KCND2: variants seen among roughly 807,000 people sequenced by gnomAD.
KCND2 encodes the protein potassium voltage-gated channel subfamily D member 2.
In KCND2, 16 loss-of-function variants were observed where a neutral mutation model predicts 54.4. The ratio of observed to expected loss-of-function variants is 0.29; its 90% confidence interval spans 0.20 to 0.45. KCND2 has a LOEUF of 0.45. Among genes scored for constraint, KCND2 ranks in the 20% least tolerant of loss-of-function variants. The pLI is 1.00. For missense variants in KCND2, 486 were observed against 824.2 expected (o/e 0.59, Z 5.02); for synonymous variants, 317 against 310.7 (o/e 1.02, Z -0.21).
chr7:120,727,226 C>G (rs1792744810), intron 1 of KCND2, among the ~76,000 whole-genome samples: 1 of 152,016 alleles, frequency 6.6e-6, no homozygotes, highest in Non-Finnish European at 1.5e-5. Flanking sequence ...AAATATTTCT[C>G]CATTTGAGAT....
intron 1 of KCND2, among the ~76,000 whole-genome samples, chr7:120,514,038 C>T (rs187686840): frequency 6.6e-6 from 1 of 152,188 alleles, no homozygotes; most frequent in East Asian, 1.9e-4. Context: ...CTTAGATGCT[C>T]ACATGTAGTT....
intron 1 of KCND2, among the ~76,000 whole-genome samples, chr7:120,483,662 G>T (rs1487879745): frequency 6.6e-6 from 1 of 152,090 alleles, no homozygotes; most frequent in Non-Finnish European, 1.5e-5. Flanking sequence ...AGGAACAGTA[G>T]AACAAAGAAA....
intron 1 of KCND2, among the ~76,000 whole-genome samples, chr7:120,498,494 A>G (rs1455615379): frequency 3.3e-5 from 5 of 151,522 alleles, no homozygotes; most frequent in Non-Finnish European, 4.4e-5. Flanking sequence ...AAGACACTCG[A>G]CTGGGCGTGG....
At chr7:120,433,177 C>T (rs960594616) in intron 1 of KCND2, among the ~76,000 whole-genome samples, 8 of 152,178 alleles carry the variant, frequency 5.3e-5, no homozygotes, top group African/African-American at 1.9e-4. Context: ...TCAGAGATTT[C>T]ATATTTCCCA....
intron 1 of KCND2, among the ~76,000 whole-genome samples, chr7:120,387,385 T>A (rs1015869143): frequency 1.3e-5 from 2 of 152,064 alleles, no homozygotes; most frequent in Non-Finnish European, 2.9e-5. Flanking sequence ...ATATGAAGAT[T>A]AAAATTACTG....
Position 120,724,304 on chromosome 7 carries a change from A to T in KCND2, c.1116-8599A>T, listed in dbSNP as rs551184190. On this transcript the variant is annotated intron_variant, in intron 1 of 5. Coordinates refer to ENST00000331113, the MANE Select transcript of KCND2 (RefSeq NM_012281.3). ...AGCATTGAAGGCATAGCAAAGGGAG[A>T]GTGGATACTTTTATTGGATAGAGAT... is the stretch of plus-strand genomic sequence containing the variant. 4.6e-5 allele frequency among the ~76,000 whole-genome samples: 7 copies of T among 152,264 alleles called. No individual in the cohort carries two copies. In the East Asian group the frequency reaches 1.4e-3, roughly 29 times the overall value.
At chr7:120,425,936 A>G (rs538636487) in intron 1 of KCND2, among the ~76,000 whole-genome samples, 11 of 143,216 alleles carry the variant, frequency 7.7e-5, no homozygotes, top group Admixed American at 6.3e-4. Flanking sequence ...TCCCATTTCT[A>G]TCTTGACTCT....
At chr7:120,507,922 ATGCCAGATATT>A (rs1803052879) in intron 1 of KCND2, among the ~76,000 whole-genome samples, 1 of 151,894 alleles carries the variant, frequency 6.6e-6, no homozygotes, top group Non-Finnish European at 1.5e-5. Context: ...GGGAGGGTAA[ATGCCAGATATT>A]TGAAAGTTTA....
chr7:120,359,525 T>A (rs1477481838), intron 1 of KCND2, among the ~76,000 whole-genome samples: 1 of 152,176 alleles, frequency 6.6e-6, no homozygotes, highest in African/African-American at 2.4e-5. Flanking sequence ...TACATCTATT[T>A]TGTATAAATG....
chr7:120,448,891 A>G (rs924983531), intron 1 of KCND2, among the ~76,000 whole-genome samples: 3 of 152,208 alleles, frequency 2.0e-5, no homozygotes, highest in African/African-American at 7.2e-5. Flanking sequence ...AGGAATATGA[A>G]AGTATATTTC....
chr7:120,458,903 G>A (rs2116233775), intron 1 of KCND2, among the ~76,000 whole-genome samples: 1 of 150,594 alleles, frequency 6.6e-6, no homozygotes, highest in South Asian at 2.1e-4. Flanking sequence ...AGACCAGGTA[G>A]GAAGTAATAA....
chr7:120,326,190 A>G (rs1170408933), intron 1 of KCND2, among the ~76,000 whole-genome samples: 2 of 152,120 alleles, frequency 1.3e-5, no homozygotes, highest in Non-Finnish European at 2.9e-5. Flanking sequence ...GGGAGGACTA[A>G]TGACGAATGT....
chr7:120,731,164 A>C (rs1459463009), intron 1 of KCND2, among the ~76,000 whole-genome samples: 3 of 152,236 alleles, frequency 2.0e-5, no homozygotes, highest in Admixed American at 6.6e-5. Flanking sequence ...AATATGTAGT[A>C]GGAGCTGGCC....
chr7:120,553,120 C>G (rs1373847936), intron 1 of KCND2, among the ~76,000 whole-genome samples: 1 of 152,106 alleles, frequency 6.6e-6, no homozygotes, highest in Admixed American at 6.6e-5. Context: ...CTCCTACAAC[C>G]AAAAGCCTGT....
intron 1 of KCND2, among the ~76,000 whole-genome samples, chr7:120,333,950 G>A (rs1354681899): frequency 6.6e-6 from 1 of 152,082 alleles, no homozygotes; most frequent in African/African-American, 2.4e-5. Context: ...CATGTCATGT[G>A]TATATAATCA....
intron 1 of KCND2, among the ~76,000 whole-genome samples, chr7:120,298,949 G>A (rs1799548121): frequency 6.6e-6 from 1 of 152,170 alleles, no homozygotes; most frequent in Admixed American, 6.5e-5. Context: ...CCTGAGGTCA[G>A]GAGTTCGAGA....
intron 1 of KCND2, among the ~76,000 whole-genome samples, chr7:120,721,089 T>C (rs1792660076): frequency 6.6e-6 from 1 of 152,206 alleles, no homozygotes; most frequent in Non-Finnish European, 1.5e-5. Context: ...TGAAACCTGA[T>C]GGAAATAATT....
chr7:120,615,384 T>C (rs1415618301), intron 1 of KCND2, among the ~76,000 whole-genome samples: 2 of 152,178 alleles, frequency 1.3e-5, no homozygotes, highest in Non-Finnish European at 2.9e-5. Flanking sequence ...GGCCAAATGG[T>C]CTAATTATAA....
At chr7:120,300,573 G>A (rs926678605) in intron 1 of KCND2, among the ~76,000 whole-genome samples, 3 of 152,066 alleles carry the variant, frequency 2.0e-5, no homozygotes, top group Non-Finnish European at 4.4e-5. Flanking sequence ...AAAAAACACT[G>A]AGTAGTGAAC....
Sources: gnomAD v4.1 joint callset for allele counts (sites outside exome capture counted in the v4.1 genomes callset) on GRCh38, gnomAD v4.1.1 for gene constraint, MANE v1.5 for transcripts, NCBI Gene and HGNC (gene_info 2026-07-23, HGNC 2026-07-21) for gene names.